The following NKIRAS1 variants were observed in gnomAD, a reference collection of about 807,000 sequenced individuals.
The protein encoded by NKIRAS1 is NFKB inhibitor interacting Ras like 1, also known as NF-kappa-B inhibitor-interacting Ras-like protein 1.
A neutral mutation model predicts 19.8 loss-of-function variants in NKIRAS1; 16 were observed. The observed-to-expected ratio is 0.81, with a 90% CI of 0.55 to 1.23. The LOEUF (loss-of-function observed/expected upper bound fraction) is 1.23, where lower values mean the gene tolerates loss of function less well. Among genes scored for constraint, NKIRAS1 ranks in the 50% most tolerant of loss-of-function variants. The pLI is 0.00. For missense variants in NKIRAS1, 184 were observed against 220.0 expected (o/e 0.84, Z 1.04); for synonymous variants, 88 against 79.0 (o/e 1.11, Z -0.61).
chr3:23,921,570 G>GTTT (rs71622703), upstream of NKIRAS1: 4,002 of 502,364 alleles, frequency 8.0e-3, 2 homozygotes, highest in South Asian at 0.015. Context: ...TGATTATTGA[G>GTTT]TTTTTTTTTT....
intron 1 of NKIRAS1, among the ~76,000 whole-genome samples, chr3:23,945,825 G>GC (rs1322741933): frequency 8.4e-4 from 126 of 149,746 alleles, no homozygotes; most frequent in African/African-American, 1.9e-3. Context: ...GCCCGGCCCG[G>GC]CCCCCCCCTC....
intron 1 of NKIRAS1, chr3:23,923,055 C>G (rs1705139820): frequency 6.6e-6 from 1 of 152,186 alleles, no homozygotes; most frequent in Non-Finnish European, 1.5e-5. Context: ...CTTCCTGTCT[C>G]TGCTTCCCAA....
chr3:23,899,464 GTTT>G (rs956136399), intron 4 of NKIRAS1, among the ~76,000 whole-genome samples: 1 of 152,042 alleles, frequency 6.6e-6, no homozygotes, highest in Non-Finnish European at 1.5e-5. Context: ...TGTTTGTTTT[GTTT>G]TTTGTTTTTT....
rs916758530 is a variant in NKIRAS1, at chr3:23,926,953, C to T, written c.-139-15503G>A. Among the ~76,000 whole-genome samples, 7 of 152,154 alleles carry T rather than the reference C, an allele frequency of 4.6e-5. No homozygotes were observed. The highest frequency in any genetic ancestry group is 1.7e-4 in the African/African-American group (7 of 41,426). On this transcript the variant is annotated intron_variant, in intron 1 of 4. Coordinates refer to the NKIRAS1 transcript ENST00000421515. This position sits in a 1 kb window ranked among gnomAD's most constrained non-coding sequence, Gnocchi z 4.3. ...GGGTGACATGCACCAACAAGCTACA[C>T]TTTGACCATCAGCTGCCCCAAACAG...
chr3:23,933,882 C>T (rs546699950), intron 1 of NKIRAS1, among the ~76,000 whole-genome samples: 20 of 152,156 alleles, frequency 1.3e-4, no homozygotes, highest in Non-Finnish European at 2.8e-4. Flanking sequence ...TCTCTGCTTC[C>T]AAGATGGCGC....
At chr3:23,897,719 A>G (rs983794310) in intron 4 of NKIRAS1, among the ~76,000 whole-genome samples, 1 of 152,032 alleles carries the variant, frequency 6.6e-6, no homozygotes, top group Non-Finnish European at 1.5e-5. Flanking sequence ...CCTCCTTCAA[A>G]TATCTGCTAA....
upstream of NKIRAS1, chr3:23,917,220 C>T (rs1704642679): frequency 1.3e-5 from 2 of 152,848 alleles, no homozygotes; most frequent in East Asian, 3.8e-4. Flanking sequence ...CTTTGATCGT[C>T]TTCCTCTTCA....
Position 23,926,233 on chromosome 3 carries a change from G to A in NKIRAS1, c.-139-14783C>T, listed in dbSNP as rs1705209278. ...CGCCCAGCTAATTTTTGTGTTTTTA[G>A]TAGAGACAGGGTTTCGCCGTGTTGG... On this transcript the variant is annotated intron_variant, in intron 1 of 4. Coordinates refer to the NKIRAS1 transcript ENST00000421515. The surrounding 1 kb of genome is among the most constrained non-coding windows in gnomAD (Gnocchi z 4.3). 6.6e-6 allele frequency among the ~76,000 whole-genome samples: 1 copy of A among 152,022 alleles called. No individual in the cohort carries two copies. The highest frequency in any genetic ancestry group is 1.5e-5 in the Non-Finnish European group (1 of 68,020).
upstream of NKIRAS1, chr3:23,919,738 A>T: frequency 7.6e-7 from 1 of 1,323,432 alleles, no homozygotes. Context: ...ATGTCAGTGT[A>T]TAAAACATAC....
intron 1 of NKIRAS1, among the ~76,000 whole-genome samples, chr3:23,931,138 T>A (rs1241296601): frequency 6.6e-6 from 1 of 152,256 alleles, no homozygotes; most frequent in Admixed American, 6.5e-5. Context: ...ATGCTATCAG[T>A]GGCTCTAATA....
At chr3:23,909,872 T>TG (rs1266135006) in intron 3 of NKIRAS1, among the ~76,000 whole-genome samples, 2 of 150,886 alleles carry the variant, frequency 1.3e-5, no homozygotes, top group Non-Finnish European at 3.0e-5. Context: ...TTGTTTTTTT[T>TG]TTTTTGAGAT....
At chr3:23,919,995 A>C, upstream of NKIRAS1, 2 of 986,960 alleles carry the variant, frequency 2.0e-6, no homozygotes, top group Non-Finnish European at 2.4e-6. Flanking sequence ...TTTTAAATTC[A>C]CATAAAAGGT....
intron 1 of NKIRAS1, among the ~76,000 whole-genome samples, chr3:23,944,197 T>A (rs778855188): frequency 1.3e-5 from 2 of 152,234 alleles, no homozygotes; most frequent in African/African-American, 2.4e-5. Context: ...ATAATTTTGC[T>A]GGCTTCAGGA....
Position 23,900,948 on chromosome 3 carries a change from G to A in NKIRAS1, c.196C>T (p.Gln66Ter). 2 of 1,614,168 alleles carry A rather than the reference G, an allele frequency of 1.2e-6. No homozygotes were observed. Among genetic ancestry groups the A allele is most frequent in the East Asian group, 4.5e-5 (2 of 44,872 alleles). ...TGCTTTGGCAGCTCCACGCCTTCCTGTAGACCTCTGGTGTCATAAAGATGT... is the reference window on the plus strand; with the variant it reads ...TGCTTTGGCAGCTCCACGCCTTCCTATAGACCTCTGGTGTCATAAAGATGT... ...QLHLYDTRGL[Q>*]EGVELPKHYF... Residue 66 changes from glutamine to a stop codon, truncating the protein, a stop_gained, in exon 4 of 5, where the codon CAG (glutamine) becomes TAG (stop). Coordinates refer to ENST00000425478, the MANE Select transcript of NKIRAS1 (RefSeq NM_020345.4). LOFTEE classifies it high-confidence loss of function.
At chr3:23,896,530 T>G (rs1702014185) in intron 4 of NKIRAS1, among the ~76,000 whole-genome samples, 1 of 151,746 alleles carries the variant, frequency 6.6e-6, no homozygotes, top group African/African-American at 2.4e-5. Flanking sequence ...GGAAAATCGC[T>G]TGAACCTGGG....
rs528757930 is a variant in NKIRAS1 at position 23,892,612 on chromosome 3, T to C, written c.*483A>G. Reference sequence around the variant, plus strand: ...TGAAATTTAGCTTACTACCCCAAACTGTTCAATGTTTTGGGTCCAATTTAG... The same window carrying C: ...TGAAATTTAGCTTACTACCCCAAACCGTTCAATGTTTTGGGTCCAATTTAG... On this transcript the variant is annotated 3_prime_UTR_variant, in exon 5 of 5. Transcript: ENST00000425478. 1 of 152,470 alleles carries C rather than the reference T, an allele frequency of 6.6e-6. No homozygotes were observed. Among genetic ancestry groups the C allele is most frequent in the East Asian group, 1.9e-4 (1 of 5,192 alleles). 9.4% of individuals were successfully genotyped at this position (152,470 alleles called of 1,614,324 possible).
chr3:23,941,361 C>T (rs948466413), intron 1 of NKIRAS1, among the ~76,000 whole-genome samples: 4 of 152,102 alleles, frequency 2.6e-5, no homozygotes, highest in Admixed American at 6.5e-5. Flanking sequence ...CTAGATGGAC[C>T]TATCTTGTGT....
chr3:23,928,100 CCACACACACA>C (rs66482461), intron 1 of NKIRAS1, among the ~76,000 whole-genome samples: 1 of 146,084 alleles, frequency 6.8e-6, no homozygotes, highest in African/African-American at 2.6e-5. Context: ...TCTCTACACA[CCACACACACA>C]CACACACACA....
chr3:23,895,337 C>G (rs781169714), intron 4 of NKIRAS1, among the ~76,000 whole-genome samples: 1 of 152,148 alleles, frequency 6.6e-6, no homozygotes, highest in Non-Finnish European at 1.5e-5. Context: ...TAACTGCTCT[C>G]TATGATCTCA....
Sources: allele counts gnomAD v4.1 joint callset (sites outside exome capture counted in the v4.1 genomes callset), GRCh38; gene constraint gnomAD v4.1.1; non-coding constraint Gnocchi (gnomAD v3.1); transcripts MANE v1.5; gene names NCBI Gene and HGNC (gene_info 2026-07-23, HGNC 2026-07-21).